The following MARCHF10 variants were observed in gnomAD, a reference collection of about 807,000 sequenced individuals.
The protein encoded by MARCHF10 is membrane associated ring-CH-type finger 10.
In MARCHF10, 64 loss-of-function variants were observed where a neutral mutation model predicts 76.2. The observed-to-expected ratio is 0.84, with a 90% confidence interval of 0.69 to 1.03. The LOEUF is 1.03. Ranked by LOEUF, MARCHF10 falls within the 50% of genes least tolerant of loss-of-function variation. The pLI is 0.00. For synonymous variants in MARCHF10, 340 were observed against 357.5 expected (o/e 0.95, Z 0.55); for missense variants, 875 against 958.0 (o/e 0.91, Z 1.14).
At chr17:62,800,917 C>T (rs1464408661) in intron 2 of MARCHF10, among the ~76,000 whole-genome samples, 1 of 152,148 alleles carries the variant, frequency 6.6e-6, no homozygotes, top group Non-Finnish European at 1.5e-5. Flanking sequence ...TGCAAACCAC[C>T]TTTCTTCTGG....
intron 5 of MARCHF10, among the ~76,000 whole-genome samples, chr17:62,741,843 C>T (rs534459251): frequency 1.2e-4 from 18 of 151,150 alleles, no homozygotes; most frequent in Admixed American, 2.0e-4. Context: ...TACAGGTGCC[C>T]GCCACCACGC....
At chr17:62,766,642 C>T (rs1399541721) in intron 3 of MARCHF10, among the ~76,000 whole-genome samples, 2 of 152,148 alleles carry the variant, frequency 1.3e-5, no homozygotes, top group African/African-American at 4.8e-5. Flanking sequence ...TATTTGAATT[C>T]ATATTCTTTT....
intron 4 of MARCHF10, among the ~76,000 whole-genome samples, chr17:62,755,084 T>C (rs960295376): frequency 2.0e-5 from 3 of 152,204 alleles, no homozygotes; most frequent in African/African-American, 7.2e-5. Flanking sequence ...AAAAGTCTTC[T>C]TACTCCTGCA....
intron 3 of MARCHF10, among the ~76,000 whole-genome samples, chr17:62,762,275 A>G (rs2092226479): frequency 6.6e-6 from 1 of 152,130 alleles, no homozygotes; most frequent in Non-Finnish European, 1.5e-5. Context: ...CCTGTTACCT[A>G]CGGGATTGTG....
chr17:62,720,013 C>T (rs186746383), intron 8 of MARCHF10, among the ~76,000 whole-genome samples: 1 of 152,314 alleles, frequency 6.6e-6, no homozygotes, highest in East Asian at 1.9e-4. Context: ...TCACCTCTAT[C>T]ATTTCTTTTT....
chr17:62,796,123 G>A (rs1220045611), intron 2 of MARCHF10, among the ~76,000 whole-genome samples: 1 of 151,790 alleles, frequency 6.6e-6, no homozygotes, highest in African/African-American at 2.4e-5. Context: ...TCCTGCCTCA[G>A]TCTCCCGAGT....
rs377681145 is a variant in MARCHF10, at chr17:62,718,662, T to C, written c.2214+3826A>G. On this transcript the variant is annotated intron_variant, in intron 8 of 10. Transcript: ENST00000311269. ...CTGACTGGCACCTGACCTCAGGCAC[T>C]GAGAGGTTCTGGTTTCTTTCAGTAT... is the stretch of plus-strand genomic sequence containing the variant. Among the ~76,000 whole-genome samples the C allele has an allele frequency of 5.9e-5, 9 of 152,324 alleles. No individual in the cohort carries two copies. The East Asian group carries it at 1.4e-3, about 23-fold the overall frequency.
At chr17:62,705,963 A>G (rs926546648) in intron 9 of MARCHF10, among the ~76,000 whole-genome samples, 1 of 152,208 alleles carries the variant, frequency 6.6e-6, no homozygotes, top group Non-Finnish European at 1.5e-5. Flanking sequence ...CTTTGAAACA[A>G]TCGCTTGTAT....
Position 62,736,395 on chromosome 17 carries a change from C to T in MARCHF10, c.1473G>A (p.Met491Ile). 6.2e-7 allele frequency: 1 copy of T among 1,614,166 alleles called. No homozygotes were observed. Among genetic ancestry groups the T allele is most frequent in the East Asian group, 2.2e-5 (1 of 44,888 alleles). The change falls in exon 6 of 11, where the codon ATG becomes ATA. Residue 491 changes from methionine (M) to isoleucine (I), a missense_variant. Transcript: ENST00000311269. Reference protein sequence around the residue: ...LRDDIPVDLSMSSTSVHSSDS... With the variant: ...LRDDIPVDLSISSTSVHSSDS... ...CTGAGCTGTGAACTGAAGTCGATGA[C>T]ATTGACAAGTCTACTGGAATATCAT... is the stretch of plus-strand genomic sequence containing the variant.
In MARCHF10 at chr17:62,736,728, A is replaced by C. The variant is rs2091283612; in HGVS notation, c.1140T>G (p.Pro380=). Residue 380 remains proline, a synonymous_variant, in exon 6 of 11, where the codon CCT becomes CCG. Transcript: ENST00000311269. Reference sequence around the variant, plus strand: ...CCTTCTCTGTAGCAGATTCCCTATCAGGCAGCCCGGGGTCTTGGGACAACC... The same window carrying C: ...CCTTCTCTGTAGCAGATTCCCTATCCGGCAGCCCGGGGTCTTGGGACAACC... ...GQRLSQDPGL[P]DRESATEKDR... is the part of the protein sequence containing the mutation. 1 of 1,614,114 alleles carries C rather than the reference A, an allele frequency of 6.2e-7. No individual in the cohort carries two copies. Among genetic ancestry groups the C allele is most frequent in the Non-Finnish European group, 8.5e-7 (1 of 1,180,024 alleles).
intron 6 of MARCHF10, among the ~76,000 whole-genome samples, chr17:62,725,609 G>A (rs543110362): frequency 6.6e-6 from 1 of 152,308 alleles, no homozygotes; most frequent in African/African-American, 2.4e-5. Context: ...TTGTCAATAC[G>A]TGTGAGCTGA....
chr17:62,705,351 A>G, intron 10 of MARCHF10, 188 bp downstream of exon 10: 4 of 1,513,768 alleles, frequency 2.6e-6, no homozygotes, highest in African/African-American at 1.4e-5. Flanking sequence ...TCTGCTCTGC[A>G]TCCAGTGAAC....
intron 6 of MARCHF10, among the ~76,000 whole-genome samples, chr17:62,731,981 GT>G (rs1338767547): frequency 6.6e-6 from 1 of 152,166 alleles, no homozygotes; most frequent in Admixed American, 6.5e-5. Flanking sequence ...CATATAGTCA[GT>G]TGGATTTCTA....
At position 62,711,169 on chromosome 17, in the gene MARCHF10, A is replaced by T; in HGVS notation, c.2328+62T>A. 7.3e-7 allele frequency: 1 copy of T among 1,371,328 alleles called. No homozygotes were observed. Among genetic ancestry groups the T allele is most frequent in the Non-Finnish European group, 1.0e-6 (1 of 961,576 alleles). 84.9% of individuals were successfully genotyped at this position (1,371,328 alleles called of 1,614,324 possible). On this transcript the variant is annotated intron_variant, in intron 9 of 10. Coordinates refer to ENST00000311269, the MANE Select transcript of MARCHF10 (RefSeq NM_152598.4). This position sits in a 1 kb window ranked among gnomAD's most constrained non-coding sequence, Gnocchi z 4.4. The stretch of plus-strand genomic sequence containing the variant: ...GACCTCAACAGCTTGCACATCTAAT[A>T]AACAGCACTGCAGGGTTTTCAGGGC...
chr17:62,704,977 A>T, intron 10 of MARCHF10: 29 of 979,852 alleles, frequency 3.0e-5, no homozygotes, highest in Non-Finnish European at 3.3e-5. Context: ...AAAAAGGAAC[A>T]GGGAGAAGGC....
At chr17:62,772,130 T>G (rs2092460080) in intron 3 of MARCHF10, among the ~76,000 whole-genome samples, 3 of 152,188 alleles carry the variant, frequency 2.0e-5, no homozygotes. Flanking sequence ...CACCCAAATC[T>G]CATCTTGAAT....
At chr17:62,767,976 C>T (rs1020453125) in intron 3 of MARCHF10, among the ~76,000 whole-genome samples, 3 of 152,158 alleles carry the variant, frequency 2.0e-5, no homozygotes, top group African/African-American at 4.8e-5. Flanking sequence ...GAGAAAATAT[C>T]TGGCCCTGCA....
At chr17:62,721,576 T>C (rs764906598) in intron 8 of MARCHF10, among the ~76,000 whole-genome samples, 8 of 152,196 alleles carry the variant, frequency 5.3e-5, no homozygotes, top group Non-Finnish European at 8.8e-5. Context: ...CTAATAGTTC[T>C]AAATGGAAGA....
At chr17:62,756,472 A>G (rs6504123) in intron 4 of MARCHF10, among the ~76,000 whole-genome samples, 78,609 of 151,974 alleles carry the variant, frequency 0.52, 21,407 homozygotes, top group East Asian at 0.7. Context: ...GTCAATCAAT[A>G]AAATACAACT....
Sources: allele counts gnomAD v4.1 joint callset (sites outside exome capture counted in the v4.1 genomes callset), GRCh38; gene constraint gnomAD v4.1.1; non-coding constraint Gnocchi (gnomAD v3.1); transcripts MANE v1.5; gene names NCBI Gene and HGNC (gene_info 2026-07-23, HGNC 2026-07-21).